DOCK1: variants seen among roughly 807,000 people sequenced by gnomAD.
DOCK1 encodes dedicator of cytokinesis protein 1.
DOCK1 carries 138 observed loss-of-function variants against 262.7 expected under a neutral mutation model. The ratio of observed to expected loss-of-function variants is 0.53; its 90% CI spans 0.46 to 0.61. The LOEUF (loss-of-function observed/expected upper bound fraction) is 0.61. Ranked by LOEUF, DOCK1 falls within the 20% of genes least tolerant of loss-of-function variation. DOCK1 has a pLI of 0.00. For missense variants in DOCK1, 1,908 were observed against 2,370.7 expected (o/e 0.80, Z 4.05); for synonymous variants, 866 against 867.4 (o/e 1.00, Z 0.03).
At chr10:127,418,657 G>C in intron 45 of DOCK1, 116 bp downstream of exon 45, 2 of 1,312,890 alleles carry the variant, frequency 1.5e-6, no homozygotes, top group Non-Finnish European at 2.0e-6. Flanking sequence ...AATCTCAGCA[G>C]TGGCCCAGCC....
chr10:127,000,257 A>G lies in DOCK1; in HGVS notation c.935A>G (p.Asn312Ser), dbSNP rs1453982412. ...VRVGRMELRD[N>S]NTRKLTSGLR... ...GTGGGTCGCATGGAGCTGAGGGACA[A>G]CAACACCAGGAAACTGACCTCGGGG... is the stretch of plus-strand genomic sequence containing the variant. Residue 312 changes from asparagine to serine, a missense_variant, in exon 10 of 52, where the codon AAC becomes AGC. By Grantham distance (46) the Asn-to-Ser change is conservative. Coordinates refer to ENST00000623213, the MANE Select transcript of DOCK1 (RefSeq NM_001290223.2). 6 of 1,614,040 alleles carry G rather than the reference A, an allele frequency of 3.7e-6. No individual in the cohort carries two copies. The East Asian group carries it at 1.1e-4, about 30-fold the overall frequency.
At chr10:127,073,768 G>A (rs2046363701) in intron 23 of DOCK1, among the ~76,000 whole-genome samples, 1 of 152,220 alleles carries the variant, frequency 6.6e-6, no homozygotes, top group African/African-American at 2.4e-5. Flanking sequence ...GCTTCATAAT[G>A]CAGAAAATGG....
intron 10 of DOCK1, among the ~76,000 whole-genome samples, chr10:127,003,375 CTGTGTGAAGT>C (rs2040747632): frequency 6.6e-6 from 1 of 152,228 alleles, no homozygotes; most frequent in South Asian, 2.1e-4. Context: ...CTGTGTGAAC[CTGTGTGAAGT>C]GCTTCAGAGA....
chr10:126,916,508 T>C (rs1277472441), intron 1 of DOCK1, among the ~76,000 whole-genome samples: 3 of 152,214 alleles, frequency 2.0e-5, no homozygotes, highest in African/African-American at 4.8e-5. Context: ...CTGTGTAACC[T>C]ATGTATAGAG....
At chr10:127,291,597 T>C (rs913792753) in intron 29 of DOCK1, among the ~76,000 whole-genome samples, 1 of 152,172 alleles carries the variant, frequency 6.6e-6, no homozygotes, top group South Asian at 2.1e-4. Context: ...TGTGAGAACC[T>C]GAGAGGGAAG....
intron 28 of DOCK1, among the ~76,000 whole-genome samples, chr10:127,255,395 TAAATA>T (rs1268687531): frequency 1.3e-5 from 2 of 151,886 alleles, no homozygotes; most frequent in Admixed American, 6.6e-5. Flanking sequence ...ATGAAATAAA[TAAATA>T]AAATAAATAG....
At chr10:127,409,538 G>T in intron 42 of DOCK1, 147 bp downstream of exon 42, 1 of 829,932 alleles carries the variant, frequency 1.2e-6, no homozygotes, top group Non-Finnish European at 1.9e-6. Context: ...AAGAGCAAGG[G>T]AAGCTAATTA....
chr10:127,129,041 T>C (rs2050146043), intron 27 of DOCK1, among the ~76,000 whole-genome samples: 1 of 152,122 alleles, frequency 6.6e-6, no homozygotes, highest in Non-Finnish European at 1.5e-5. Flanking sequence ...ATCTGGGGTG[T>C]GAACAGGGAG....
intron 27 of DOCK1, among the ~76,000 whole-genome samples, chr10:127,179,532 TTC>T (rs1471228075): frequency 6.6e-6 from 1 of 152,214 alleles, no homozygotes; most frequent in African/African-American, 2.4e-5. Context: ...TATGAGTTCT[TTC>T]TGACGGCTGG....
At chr10:126,978,089 A>T in intron 3 of DOCK1, 101 bp downstream of exon 3, 1 of 1,186,000 alleles carries the variant, frequency 8.4e-7, no homozygotes, top group South Asian at 1.3e-5. Flanking sequence ...TTACTTCTAT[A>T]TCTCTTTCTC....
intron 35 of DOCK1, among the ~76,000 whole-genome samples, chr10:127,375,118 T>C (rs1052090998): frequency 2.0e-5 from 3 of 152,234 alleles, no homozygotes; most frequent in East Asian, 3.9e-4. Flanking sequence ...CCTGATGTCA[T>C]TGTGGTCCCT....
intron 1 of DOCK1, among the ~76,000 whole-genome samples, chr10:126,948,970 G>T (rs2035906073): frequency 1.3e-5 from 2 of 152,246 alleles, no homozygotes; most frequent in South Asian, 2.1e-4. Context: ...ATCCCTTTCA[G>T]TGGCCCGGGC....
At position 127,073,277 on chromosome 10, in the gene DOCK1, G is replaced by GT. The variant is rs547221988; in HGVS notation, c.2445+11508dup. Among the ~76,000 whole-genome samples, 200 of 152,322 alleles carry GT rather than the reference G, an allele frequency of 1.3e-3. 2 individuals carry two copies. The highest frequency in any genetic ancestry group is 4.5e-3 in the African/African-American group (189 of 41,584). On this transcript the variant is annotated intron_variant, in intron 23 of 51. Transcript: ENST00000623213. ...GCAGTCCCAATCAAAATCCCAGCAAGTTTTTTTGTGGCTATTGACCAACTG... is the reference window on the plus strand; with the variant it reads ...GCAGTCCCAATCAAAATCCCAGCAAGTTTTTTTTGTGGCTATTGACCAACTG...
chr10:127,199,833 C>T (rs140578563), intron 27 of DOCK1, among the ~76,000 whole-genome samples: 1 of 152,332 alleles, frequency 6.6e-6, no homozygotes, highest in Non-Finnish European at 1.5e-5. Context: ...AGCATCATCA[C>T]TGTGTCATTG....
chr10:127,232,641 A>G (rs1268673455), intron 27 of DOCK1, among the ~76,000 whole-genome samples: 1 of 152,206 alleles, frequency 6.6e-6, no homozygotes, highest in African/African-American at 2.4e-5. Context: ...CCATTTAACC[A>G]ATCAACCTAG....
chr10:126,987,668 T>G, intron 5 of DOCK1, 51 bp downstream of exon 5: 1 of 1,448,464 alleles, frequency 6.9e-7, no homozygotes, highest in East Asian at 2.5e-5. Flanking sequence ...AGTGGGCTTT[T>G]TTGACCCTGA....
intron 38 of DOCK1, 98 bp from the exon 39 acceptor site, chr10:127,402,957 C>A: frequency 1.8e-6 from 2 of 1,103,298 alleles, no homozygotes; most frequent in Non-Finnish European, 2.6e-6. Flanking sequence ...TTCAAATGTA[C>A]TTCTACACTG....
intron 1 of DOCK1, among the ~76,000 whole-genome samples, chr10:126,961,939 T>C (rs1273929764): frequency 6.6e-6 from 1 of 152,236 alleles, no homozygotes; most frequent in African/African-American, 2.4e-5. Flanking sequence ...CACCAGTAAC[T>C]TGCAGAGTTC....
At chr10:127,325,366 C>A (rs940918137) in intron 29 of DOCK1, among the ~76,000 whole-genome samples, 1 of 152,152 alleles carries the variant, frequency 6.6e-6, no homozygotes, top group Admixed American at 6.5e-5. Context: ...TTTCGTTTTG[C>A]TAACTGTGTG....
Sources: gnomAD v4.1 joint callset for allele counts (sites outside exome capture counted in the v4.1 genomes callset) on GRCh38, gnomAD v4.1.1 for gene constraint, MANE v1.5 for transcripts, NCBI Gene and HGNC (gene_info 2026-07-23, HGNC 2026-07-21) for gene names.